Variants in MAPK10 observed in about 807,000 individuals in gnomAD.
MAPK10 encodes the protein mitogen-activated protein kinase 10.
Under a neutral mutation model 59.3 loss-of-function variants are expected in MAPK10, and 25 were observed. The ratio of observed to expected loss-of-function variants is 0.42; its 90% CI spans 0.31 to 0.59. The LOEUF (loss-of-function observed/expected upper bound fraction) is 0.59. Among genes scored for constraint, MAPK10 ranks in the 20% least tolerant of loss-of-function variants. The pLI, the probability that MAPK10 is intolerant of heterozygous loss-of-function variation, is 0.15. For missense variants in MAPK10, 351 were observed against 568.9 expected, an observed-to-expected ratio of 0.62 and a Z score of 3.90; for synonymous variants, 190 against 200.5, an observed-to-expected ratio of 0.95 and a Z score of 0.44.
chr4:86,465,609 T>G (rs2149063444), intron 1 of MAPK10, among the ~76,000 whole-genome samples: 1 of 152,354 alleles, frequency 6.6e-6, no homozygotes. Flanking sequence ...ACTCATTTGG[T>G]GGAGAGATCC....
chr4:86,097,938 G>A (rs2054549760), intron 9 of MAPK10, among the ~76,000 whole-genome samples: 1 of 152,122 alleles, frequency 6.6e-6, no homozygotes, highest in African/African-American at 2.4e-5. Flanking sequence ...TCAGGTGAGA[G>A]AAGTCTACAT....
intron 11 of MAPK10, among the ~76,000 whole-genome samples, chr4:86,059,686 T>A (rs945618866): frequency 2.6e-5 from 4 of 152,064 alleles, no homozygotes; most frequent in Non-Finnish European, 5.9e-5. Context: ...GTTTACCAAA[T>A]CACCTTCCAG....
At chr4:86,307,085 A>G (rs1017728741) in intron 2 of MAPK10, among the ~76,000 whole-genome samples, 1 of 152,200 alleles carries the variant, frequency 6.6e-6, no homozygotes, top group African/African-American at 2.4e-5. Flanking sequence ...GGGGGAAAAA[A>G]GAAGCAAAAC....
chr4:86,512,289 T>A (rs1756336343), intron 1 of MAPK10, among the ~76,000 whole-genome samples: 1 of 152,252 alleles, frequency 6.6e-6, no homozygotes, highest in Admixed American at 6.5e-5. Flanking sequence ...GTTATTTGGA[T>A]AAGTTCAGTA....
chr4:86,439,213 G>A (rs1749131585), intron 1 of MAPK10, among the ~76,000 whole-genome samples: 1 of 152,044 alleles, frequency 6.6e-6, no homozygotes, highest in Admixed American at 6.6e-5. Context: ...CCACAATTAA[G>A]ATATTTATCA....
At chr4:86,183,613 T>A (rs2077440452) in intron 3 of MAPK10, among the ~76,000 whole-genome samples, 1 of 152,104 alleles carries the variant, frequency 6.6e-6, no homozygotes, top group African/African-American at 2.4e-5. Flanking sequence ...TGTGCATGTG[T>A]CTTTATAGTG....
At chr4:86,320,829 T>G (rs1046818961) in intron 2 of MAPK10, among the ~76,000 whole-genome samples, 3 of 152,182 alleles carry the variant, frequency 2.0e-5, no homozygotes, top group Non-Finnish European at 4.4e-5. Context: ...GAATTAATTT[T>G]TGTATAAGCT....
At chr4:86,265,707 G>A (rs1430526445) in intron 2 of MAPK10, among the ~76,000 whole-genome samples, 1 of 152,126 alleles carries the variant, frequency 6.6e-6, no homozygotes, top group Non-Finnish European at 1.5e-5. Context: ...ATAGGAAAAT[G>A]CTTAGGGTCC....
chr4:86,400,782 T>C (rs1447325330), intron 1 of MAPK10, among the ~76,000 whole-genome samples: 1 of 152,170 alleles, frequency 6.6e-6, no homozygotes, highest in Non-Finnish European at 1.5e-5. Context: ...TCTAATTCAA[T>C]GACATCCTAA....
At chr4:86,111,673 T>C (rs554971251) in intron 4 of MAPK10, among the ~76,000 whole-genome samples, 12 of 152,306 alleles carry the variant, frequency 7.9e-5, no homozygotes, top group East Asian at 1.9e-4. Flanking sequence ...ATCAGGGATA[T>C]TGGCCTGAAG....
intron 11 of MAPK10, among the ~76,000 whole-genome samples, chr4:86,036,312 T>G (rs79768776): frequency 0.032 from 4,904 of 151,710 alleles, 229 homozygotes; most frequent in East Asian, 0.1. Context: ...TTGAATAAAA[T>G]GTAGAAAAAG....
intron 4 of MAPK10, chr4:86,123,648 T>C (rs1335954586): frequency 2.6e-5 from 4 of 152,026 alleles, no homozygotes; most frequent in African/African-American, 9.7e-5. Context: ...TTACAATCAA[T>C]ATGCATTCCC....
At chr4:86,358,135 T>A in intron 1 of MAPK10, 2 of 985,424 alleles carry the variant, frequency 2.0e-6, no homozygotes, top group Non-Finnish European at 2.4e-6. Context: ...ATCTAATGGT[T>A]CTGAAGTGGA....
intron 1 of MAPK10, among the ~76,000 whole-genome samples, chr4:86,439,845 C>A (rs1423958445): frequency 6.6e-6 from 1 of 152,090 alleles, no homozygotes; most frequent in Non-Finnish European, 1.5e-5. Flanking sequence ...GGTAAAGTAT[C>A]TGTCCAAATA....
intron 2 of MAPK10, among the ~76,000 whole-genome samples, chr4:86,242,555 A>G (rs1223348673): frequency 6.6e-6 from 1 of 152,140 alleles, no homozygotes; most frequent in Non-Finnish European, 1.5e-5. Context: ...GAATTATTGG[A>G]GATCCTGCAG....
In MAPK10 at chr4:86,212,840, T is replaced by C. The variant is rs911467707; in HGVS notation, c.-6-18433A>G. 2.0e-5 allele frequency among the ~76,000 whole-genome samples: 3 copies of C among 152,094 alleles called. No individual in the cohort carries two copies. In the East Asian group the frequency reaches 5.8e-4, roughly 29 times the overall value. On this transcript the variant is annotated intron_variant, in intron 2 of 13. Coordinates refer to ENST00000641462, the MANE Select transcript of MAPK10 (RefSeq NM_138982.4). The stretch of plus-strand genomic sequence containing the variant: ...ATAACAACCATACAAATACAAATTA[T>C]ATGTAAAGAAATAGAGAACTTGAAC...
intron 1 of MAPK10, among the ~76,000 whole-genome samples, chr4:86,428,759 T>C (rs1747644319): frequency 6.6e-6 from 1 of 152,226 alleles, no homozygotes; most frequent in East Asian, 1.9e-4. Flanking sequence ...AATTTCTTTT[T>C]TTAACACAAA....
At chr4:86,542,016 A>G (rs183525798) in intron 1 of MAPK10, among the ~76,000 whole-genome samples, 7 of 152,124 alleles carry the variant, frequency 4.6e-5, no homozygotes, top group African/African-American at 1.7e-4. Context: ...AAGAAATAAA[A>G]TATTAATAGT....
chr4:86,508,817 G>A (rs1394278851), intron 1 of MAPK10, among the ~76,000 whole-genome samples: 1 of 152,148 alleles, frequency 6.6e-6, no homozygotes, highest in Non-Finnish European at 1.5e-5. Flanking sequence ...AATTTTCTTT[G>A]CTCTGGAGAA....
Sources: gnomAD v4.1 joint callset for allele counts (sites outside exome capture counted in the v4.1 genomes callset) on GRCh38, gnomAD v4.1.1 for gene constraint, MANE v1.5 for transcripts, NCBI Gene and HGNC (gene_info 2026-07-23, HGNC 2026-07-21) for gene names.